Variants in UBE2U observed in about 807,000 individuals in gnomAD.
UBE2U encodes the protein ubiquitin conjugating enzyme E2 U, also known as ubiquitin-conjugating enzyme E2 U.
Under a neutral mutation model 41.2 loss-of-function variants are expected in UBE2U, and 39 were observed. The observed-to-expected ratio is 0.95, with a 90% CI of 0.73 to 1.24. The LOEUF is 1.24. Among genes scored for constraint, UBE2U ranks in the 50% most tolerant of loss-of-function variants. UBE2U has a pLI of 0.00. For synonymous variants in UBE2U, 107 were observed against 117.8 expected (o/e 0.91, Z 0.60); for missense variants, 336 against 363.1 (o/e 0.93, Z 0.61).
intron 6 of UBE2U, among the ~76,000 whole-genome samples, chr1:64,222,689 T>C (rs142223863): frequency 6.6e-6 from 1 of 152,360 alleles, no homozygotes; most frequent in Admixed American, 6.5e-5. Flanking sequence ...AGCTCAGTTA[T>C]GTCTAGTTCT....
intron 6 of UBE2U, among the ~76,000 whole-genome samples, chr1:64,232,192 A>T (rs1373615600): frequency 6.6e-6 from 1 of 152,244 alleles, no homozygotes; most frequent in African/African-American, 2.4e-5. Context: ...AAGTTCAAGA[A>T]AAATGTTTAT....
At chr1:64,248,721 A>AT (rs1644961013) in intron 8 of UBE2U, among the ~76,000 whole-genome samples, 1 of 152,160 alleles carries the variant, frequency 6.6e-6, no homozygotes, top group Non-Finnish European at 1.5e-5. Flanking sequence ...TGCTTATACA[A>AT]TTTTTTGAAG....
At chr1:64,239,431 AC>A (rs1345920883) in intron 7 of UBE2U, among the ~76,000 whole-genome samples, 11 of 151,984 alleles carry the variant, frequency 7.2e-5, no homozygotes, top group African/African-American at 2.4e-4. Context: ...CAGGTTTGTT[AC>A]ATATGCATAC....
intron 6 of UBE2U, among the ~76,000 whole-genome samples, chr1:64,228,806 A>T (rs1311301749): frequency 1.4e-5 from 2 of 145,802 alleles, no homozygotes; most frequent in African/African-American, 5.1e-5. Flanking sequence ...CTCCTGCCTC[A>T]GCCTCCTGAG....
rs1255258253 is a variant in UBE2U, at chr1:64,205,668, T to A, written c.96T>A (p.Asp32Glu). Residue 32 changes from aspartate (D) to glutamate (E), a missense_variant, in exon 2 of 10, where the codon GAT (aspartate) becomes GAA (glutamate). Asp to Glu is a conservative substitution (Grantham distance 45). Coordinates refer to ENST00000371077, the MANE Select transcript of UBE2U (RefSeq NM_001366232.2). ...KGITAKPVSE[D>E]MMEWEVEIEG... ...TCACTGCTAAGCCTGTAAGTGAAGATATGATGGAATGGGAAGTTGAAATTG... is the reference window on the plus strand; with the variant it reads ...TCACTGCTAAGCCTGTAAGTGAAGAAATGATGGAATGGGAAGTTGAAATTG... The A allele has an allele frequency of 6.2e-7, 1 of 1,613,378 alleles. No individual in the cohort carries two copies. Among genetic ancestry groups the A allele is most frequent in the Admixed American group, 1.7e-5 (1 of 59,984 alleles).
intron 5 of UBE2U, 118 bp downstream of exon 5, chr1:64,215,050 T>C: frequency 1.5e-6 from 1 of 670,114 alleles, no homozygotes; most frequent in Non-Finnish European, 2.6e-6. Context: ...CTGACCAACA[T>C]GGAGAAACCC....
At chr1:64,224,120 A>C (rs1652688031) in intron 6 of UBE2U, among the ~76,000 whole-genome samples, 1 of 152,146 alleles carries the variant, frequency 6.6e-6, no homozygotes, top group South Asian at 2.1e-4. Context: ...TGGCTAAATC[A>C]TTTAAAGGGG....
intron 3 of UBE2U, among the ~76,000 whole-genome samples, chr1:64,207,792 A>G (rs907045571): frequency 1.3e-5 from 2 of 152,230 alleles, no homozygotes; most frequent in African/African-American, 4.8e-5. Flanking sequence ...CTGTATGGAA[A>G]ATATGACACA....
At chr1:64,240,682 T>G (rs1456572797) in intron 7 of UBE2U, among the ~76,000 whole-genome samples, 4 of 152,240 alleles carry the variant, frequency 2.6e-5, no homozygotes, top group African/African-American at 9.6e-5. Flanking sequence ...TTTGTTAAAC[T>G]ATGATGTCTT....
In UBE2U at chr1:64,247,680, A is replaced by G. The variant is rs531344953; in HGVS notation, c.677+5947A>G. ...AGTATTTGAGACCAGCCTGAGCAAT[A>G]TAGTGAGACCTCATCTCTACAAAAA... On this transcript the variant is annotated intron_variant, in intron 8 of 9. Coordinates refer to ENST00000371077, the MANE Select transcript of UBE2U (RefSeq NM_001366232.2). 6.6e-5 allele frequency among the ~76,000 whole-genome samples: 10 copies of G among 152,258 alleles called. No homozygotes were observed. In the South Asian group the frequency reaches 2.1e-3, roughly 32 times the overall value.
chr1:64,208,880 A>T (rs1651484509), intron 3 of UBE2U, among the ~76,000 whole-genome samples: 2 of 152,142 alleles, frequency 1.3e-5, no homozygotes, highest in Admixed American at 1.3e-4. Flanking sequence ...TGTGTCCAGA[A>T]ATATGTTGAA....
At chr1:64,227,548 TC>T (rs1440702277) in intron 6 of UBE2U, among the ~76,000 whole-genome samples, 21 of 152,166 alleles carry the variant, frequency 1.4e-4, no homozygotes, top group South Asian at 2.1e-4. Flanking sequence ...ATGCCTGTAA[TC>T]CCACCACTTT....
intron 7 of UBE2U, among the ~76,000 whole-genome samples, chr1:64,240,512 A>G (rs1393629182): frequency 5.3e-5 from 8 of 152,116 alleles, no homozygotes; most frequent in South Asian, 2.1e-4. Flanking sequence ...CAGTCTCCCA[A>G]CTACAAAGTG....
chr1:64,206,981 A>C, intron 3 of UBE2U, 125 bp downstream of exon 3: 1 of 670,364 alleles, frequency 1.5e-6, no homozygotes, highest in South Asian at 1.9e-5. Context: ...TCATTGGGGA[A>C]AATATGAAAA....
At chr1:64,244,167 G>A (rs755392362) in intron 8 of UBE2U, 4 of 1,607,750 alleles carry the variant, frequency 2.5e-6, no homozygotes, top group Non-Finnish European at 3.4e-6. Flanking sequence ...TAGGGGAAGA[G>A]CATGAGCTTC....
intron 7 of UBE2U, among the ~76,000 whole-genome samples, chr1:64,233,011 CTTT>C (rs749876501): frequency 1.4e-5 from 2 of 139,800 alleles, no homozygotes; most frequent in Admixed American, 7.2e-5. Flanking sequence ...TTTATTTTTA[CTTT>C]TTTTTTTTTT....
intron 7 of UBE2U, among the ~76,000 whole-genome samples, chr1:64,236,474 A>T (rs907297340): frequency 6.6e-6 from 1 of 152,242 alleles, no homozygotes; most frequent in Non-Finnish European, 1.5e-5. Flanking sequence ...TGTACCAAGG[A>T]TCCACTGTTC....
intron 9 of UBE2U, among the ~76,000 whole-genome samples, chr1:64,260,912 T>C (rs1645171417): frequency 6.6e-6 from 1 of 152,182 alleles, no homozygotes; most frequent in Non-Finnish European, 1.5e-5. Context: ...GAGTTACTTA[T>C]ATTTTCAAGC....
intron 9 of UBE2U, among the ~76,000 whole-genome samples, chr1:64,265,281 T>G (rs563114540): frequency 6.6e-6 from 1 of 152,176 alleles, no homozygotes; most frequent in Admixed American, 6.5e-5. Flanking sequence ...TTATGTGAGA[T>G]AAAACACTCT....
Sources: gnomAD v4.1 joint callset for allele counts (sites outside exome capture counted in the v4.1 genomes callset) on GRCh38, gnomAD v4.1.1 for gene constraint, MANE v1.5 for transcripts, NCBI Gene and HGNC (gene_info 2026-07-23, HGNC 2026-07-21) for gene names.